CLCNKA: variants seen among roughly 807,000 people sequenced by gnomAD.
CLCNKA encodes the protein chloride channel protein ClC-Ka.
CLCNKA carries 66 observed loss-of-function variants against 83.3 expected under a neutral mutation model. The ratio of observed to expected loss-of-function variants is 0.79; its 90% CI spans 0.65 to 0.97. The LOEUF (loss-of-function observed/expected upper bound fraction) is 0.97, where lower values mean the gene tolerates loss of function less well. Ranked by LOEUF, CLCNKA falls within the 50% of genes least tolerant of loss-of-function variation. CLCNKA has a pLI of 0.00. For synonymous variants in CLCNKA, 357 were observed against 370.4 expected (o/e 0.96, Z 0.42); for missense variants, 806 against 888.7 (o/e 0.91, Z 1.18).
intron 2 of CLCNKA, among the ~76,000 whole-genome samples, chr1:16,023,097 G>C (rs2022205298): frequency 6.6e-6 from 1 of 152,240 alleles, no homozygotes; most frequent in African/African-American, 2.4e-5. Flanking sequence ...GGAGCCCCAT[G>C]TGCCTTGTTC....
In CLCNKA at chr1:16,029,211, A is replaced by C; in HGVS notation, c.1139A>C (p.Glu380Ala). The part of the protein sequence containing the change: ...MTQNSSPPWP[E>A]ELDPQHLWWE... Reference sequence around the variant, plus strand: ...CAGAACTCCAGCCCACCCTGGCCCGAGGAGCTCGACCCCCAGCACCTTTGG... The same window carrying C: ...CAGAACTCCAGCCCACCCTGGCCCGCGGAGCTCGACCCCCAGCACCTTTGG... The change falls in exon 12 of 20, where the codon GAG becomes GCG. Residue 380 changes from glutamate to alanine, a missense_variant. Glu to Ala is a moderately radical substitution (Grantham distance 107). Transcript: ENST00000331433. 1.2e-6 allele frequency: 2 copies of C among 1,613,570 alleles called. No individual in the cohort carries two copies. The highest frequency in any genetic ancestry group is 1.7e-6 in the Non-Finnish European group (2 of 1,179,846).
At position 16,028,695 on chromosome 1, in the gene CLCNKA, C is replaced by T. The variant is rs771534948; in HGVS notation, c.969-66C>T. 31 of 1,589,318 alleles carry T rather than the reference C, an allele frequency of 2.0e-5. No individual in the cohort carries two copies. The South Asian group carries it at 2.9e-4, about 15-fold the overall frequency. ...GCTCTGCTGCTGCCTGGACCAGGTC[C>T]TACTTCCCTCTCCTCGGGATGTAGG... On this transcript the variant is annotated intron_variant, in intron 10 of 19. Transcript: ENST00000331433.
rs78574977 is a variant in CLCNKA, at chr1:16,024,954, C to A, written c.358+63C>A. 1,365 of 1,604,606 alleles carry A rather than the reference C, an allele frequency of 8.5e-4. 16 individuals carry two copies. The African/African-American group carries it at 0.016, about 19-fold the overall frequency. ...AACCTTCTCAGATCCCAGGGGGCTT[C>A]TGATGGGGGGAATCGGGAAGCTGCA... On this transcript the variant is annotated intron_variant, in intron 4 of 19. Coordinates refer to ENST00000331433, the MANE Select transcript of CLCNKA (RefSeq NM_004070.4).
chr1:16,023,863 C>T lies in CLCNKA; in HGVS notation c.164C>T (p.Thr55Ile). Residue 55 changes from threonine (T) to isoleucine (I), a missense_variant, in exon 3 of 20, where the codon ACC becomes ATC. Physicochemically the swap from Thr to Ile is moderately conservative, Grantham distance 89 (BLOSUM62 -1). Transcript: ENST00000331433. Reference protein sequence around the residue: ...RLGEDWYFLMTLGVLMALVSY... With the variant: ...RLGEDWYFLMILGVLMALVSY... ...GGAGAAGACTGGTACTTCCTGATGA[C>T]CCTCGGGGTGCTCATGGCCCTGGTC... The T allele has an allele frequency of 2.5e-6, 4 of 1,614,174 alleles. No individual in the cohort carries two copies. The highest frequency in any genetic ancestry group is 3.4e-6 in the Non-Finnish European group (4 of 1,180,012).
At chr1:16,023,152 AG>A (rs1405046078) in intron 2 of CLCNKA, among the ~76,000 whole-genome samples, 3 of 152,208 alleles carry the variant, frequency 2.0e-5, no homozygotes, top group Non-Finnish European at 2.9e-5. Context: ...CAGAGCAAGT[AG>A]GGACCACAGA....
At chr1:16,033,059 A>G (rs2022697542) in intron 18 of CLCNKA, 111 bp from the exon 19 acceptor site, 9 of 1,154,616 alleles carry the variant, frequency 7.8e-6, no homozygotes, top group Non-Finnish European at 1.0e-5. Flanking sequence ...GTTGCCTCCC[A>G]CACATATCAG....
In CLCNKA at chr1:16,026,600, T is replaced by G. The variant is rs1265103401; in HGVS notation, c.563T>G (p.Ile188Ser). Reference protein sequence around the residue: ...AYLGRVRTTTIGEPENKSKQN... With the variant: ...AYLGRVRTTTSGEPENKSKQN... ...CTGGGCCGTGTGCGCACCACGACCA[T>G]CGGGGAGCCTGAGGTTAGGGACTCG... Residue 188 changes from isoleucine to serine, a missense_variant, in exon 6 of 20, where the codon ATC (isoleucine) becomes AGC (serine). Transcript: ENST00000331433. The G allele has an allele frequency of 1.2e-6, 2 of 1,613,904 alleles. No homozygotes were observed. The highest frequency in any genetic ancestry group is 4.5e-5 in the East Asian group (2 of 44,868).
In CLCNKA at chr1:16,033,739, T is replaced by C. The variant is rs1026087582; in HGVS notation, c.*81T>C. The C allele has an allele frequency of 3.8e-5, 50 of 1,321,184 alleles. No individual in the cohort carries two copies. The highest frequency in any genetic ancestry group is 5.1e-5 in the Non-Finnish European group (47 of 919,620). The allele number at this position is 1,321,184 out of a possible 1,614,324, so 81.8% of individuals were successfully genotyped here. On this transcript the variant is annotated 3_prime_UTR_variant, in exon 20 of 20. Transcript: ENST00000331433. ...CTGAGACCCTGCTTCTCTTCCCCCA[T>C]CACCACCTGCCCCTCCCTCCAGCCC...
chr1:16,032,564 G>T (rs1399447066), intron 18 of CLCNKA, 38 bp downstream of exon 18: 2 of 1,494,678 alleles, frequency 1.3e-6, no homozygotes, highest in East Asian at 4.5e-5. Context: ...CGCAGCCCCC[G>T]GGGCAGGGCA....
chr1:16,024,367 C>G (rs1303811641), intron 3 of CLCNKA, among the ~76,000 whole-genome samples: 4 of 152,222 alleles, frequency 2.6e-5, no homozygotes, highest in Admixed American at 2.0e-4. Flanking sequence ...TCTGGAGACC[C>G]TCAGCTGCCA....
At chr1:16,026,006 G>C in intron 4 of CLCNKA, 102 bp from the exon 5 acceptor site, 6 of 1,508,046 alleles carry the variant, frequency 4.0e-6, no homozygotes, top group Non-Finnish European at 5.5e-6. Flanking sequence ...CGCCTGCCTC[G>C]GCCTCCCAAA....
chr1:16,031,291 TG>T (rs1327282603), intron 15 of CLCNKA, among the ~76,000 whole-genome samples: 1 of 152,184 alleles, frequency 6.6e-6, no homozygotes, highest in Non-Finnish European at 1.5e-5. Flanking sequence ...AGTTTTTCCT[TG>T]GGGGTGACAT....
intron 10 of CLCNKA, 80 bp downstream of exon 10, chr1:16,028,199 C>T: frequency 6.8e-6 from 9 of 1,323,288 alleles, no homozygotes; most frequent in Non-Finnish European, 9.8e-6. Flanking sequence ...GCCCCACCCC[C>T]ATCCTCCCAC....
In CLCNKA at chr1:16,026,106, A is replaced by C. The variant is rs746214703; in HGVS notation, c.359-2A>C. On this transcript the variant is annotated splice_acceptor_variant, in intron 4 of 19. Coordinates refer to ENST00000331433, the MANE Select transcript of CLCNKA (RefSeq NM_004070.4). LOFTEE classifies it high-confidence loss of function. The stretch of plus-strand genomic sequence containing the variant: ...TGCTTGTTCCTGTCCTGTCTGGCTA[A>C]GGTTCTGGAATCCCGGAGCTGAAGA... 1 of 1,612,488 alleles carries C rather than the reference A, an allele frequency of 6.2e-7. No homozygotes were observed. Among genetic ancestry groups the C allele is most frequent in the Non-Finnish European group, 8.5e-7 (1 of 1,180,012 alleles).
chr1:16,029,564 C>T (rs913042347), intron 12 of CLCNKA, among the ~76,000 whole-genome samples, 167 bp from the exon 13 acceptor site: 1 of 152,194 alleles, frequency 6.6e-6, no homozygotes, highest in South Asian at 2.1e-4. Context: ...ATACAGTGGG[C>T]ATTTCTCAGG....
chr1:16,026,386 G>C, intron 5 of CLCNKA, 139 bp downstream of exon 5: 1 of 1,459,568 alleles, frequency 6.9e-7, no homozygotes, highest in South Asian at 1.2e-5. Flanking sequence ...TAGGGGAAGA[G>C]CCAGGCCAGG....
Position 16,029,957 on chromosome 1 carries a change from G to C in CLCNKA, c.1298-8G>C, listed in dbSNP as rs747604643. 6.2e-7 allele frequency: 1 copy of C among 1,609,684 alleles called. No homozygotes were observed. The highest frequency in any genetic ancestry group is 1.1e-5 in the South Asian group (1 of 91,020). ...CCTGGCTCCCCCTCACCCTAAGTCTGTGGCCAGGAGCTGCCATCGGGCGCC... is the reference window on the plus strand; with the variant it reads ...CCTGGCTCCCCCTCACCCTAAGTCTCTGGCCAGGAGCTGCCATCGGGCGCC... On this transcript the variant is annotated splice_region_variant and splice_polypyrimidine_tract_variant and intron_variant, in intron 13 of 19. Transcript: ENST00000331433.
chr1:16,026,352 G>T, intron 5 of CLCNKA, 105 bp downstream of exon 5: 1 of 1,517,960 alleles, frequency 6.6e-7, no homozygotes, highest in Non-Finnish European at 9.0e-7. Context: ...TCAGGCCAGT[G>T]CCTGCCTTCA....
rs140337113 is a variant in CLCNKA, at chr1:16,029,181, T to C, written c.1109T>C (p.Met370Thr). 8.1e-6 allele frequency: 13 copies of C among 1,612,984 alleles called. No homozygotes were observed. The highest frequency in any genetic ancestry group is 1.1e-5 in the Non-Finnish European group (13 of 1,179,860). ...TTCGACAACCACTCCTGGGCGCTGATGACCCAGAACTCCAGCCCACCCTGG... is the reference window on the plus strand; with the variant it reads ...TTCGACAACCACTCCTGGGCGCTGACGACCCAGAACTCCAGCCCACCCTGG... ...SLFDNHSWAL[M>T]TQNSSPPWPE... Residue 370 changes from methionine to threonine, a missense_variant, in exon 12 of 20, where the codon ATG becomes ACG. Transcript: ENST00000331433.
Sources: gnomAD v4.1 joint callset for allele counts (sites outside exome capture counted in the v4.1 genomes callset) on GRCh38, gnomAD v4.1.1 for gene constraint, MANE v1.5 for transcripts, NCBI Gene and HGNC (gene_info 2026-07-23, HGNC 2026-07-21) for gene names.